CNRIP1: variants seen among roughly 807,000 people sequenced by gnomAD.
CNRIP1 encodes the protein CB1 cannabinoid receptor-interacting protein 1.
In CNRIP1, 10 loss-of-function variants were observed where a neutral mutation model predicts 15.2. The observed-to-expected ratio is 0.66, with a 90% CI of 0.41 to 1.12. CNRIP1 has a LOEUF of 1.12. CNRIP1 is among the 50% of genes most tolerant of loss of function. CNRIP1 has a pLI of 0.00. For missense variants in CNRIP1, 211 were observed against 214.7 expected (o/e 0.98, Z 0.11); for synonymous variants, 91 against 83.2 (o/e 1.09, Z -0.51).
downstream of CNRIP1, among the ~76,000 whole-genome samples, chr2:68,289,330 T>G (rs1445416604): frequency 6.6e-6 from 1 of 152,220 alleles, no homozygotes; most frequent in Non-Finnish European, 1.5e-5. Flanking sequence ...AAATTTTACC[T>G]TTCCAAGCAT....
chr2:68,296,731 G>A (rs556098271), intron 2 of CNRIP1, among the ~76,000 whole-genome samples: 55 of 152,192 alleles, frequency 3.6e-4, no homozygotes, highest in African/African-American at 9.6e-4. Flanking sequence ...TCTGCTGCCC[G>A]GGTTCAAGCA....
At position 68,319,302 on chromosome 2, in the gene CNRIP1, G is replaced by T. The variant is rs373136667; in HGVS notation, c.99C>A (p.Gly33=). 1.4e-4 allele frequency: 223 copies of T among 1,554,074 alleles called. No individual in the cohort carries two copies. Among genetic ancestry groups the T allele is most frequent in the Non-Finnish European group, 1.7e-4 (197 of 1,148,720 alleles). ...TGAGCAGCTTGATGGTGCGGTTCTG[G>T]CCGAAGCGCTGCCCGTCCACCTTGT... ...VFYKVDGQRF[G]QNRTIKLLTG... Residue 33 remains glycine (G), a synonymous_variant, in exon 1 of 3, where the codon GGC becomes GGA. Transcript: ENST00000263655.
chr2:68,305,776 T>C (rs1203374332), intron 2 of CNRIP1, among the ~76,000 whole-genome samples: 1 of 124,342 alleles, frequency 8.0e-6, no homozygotes, highest in Admixed American at 9.0e-5. Context: ...AGCCTGGGCG[T>C]CAGAGAAAGA....
intron 2 of CNRIP1, among the ~76,000 whole-genome samples, chr2:68,295,463 G>A (rs1370617214): frequency 6.6e-6 from 1 of 152,158 alleles, no homozygotes; most frequent in Non-Finnish European, 1.5e-5. Flanking sequence ...TAAGCATACA[G>A]CAGCTTTATT....
chr2:68,290,138 C>T (rs1362150040), downstream of CNRIP1, among the ~76,000 whole-genome samples: 3 of 150,118 alleles, frequency 2.0e-5, no homozygotes, highest in Non-Finnish European at 4.4e-5. Context: ...AAGTGATTCT[C>T]CTTCCTCAGC....
intron 2 of CNRIP1, among the ~76,000 whole-genome samples, chr2:68,303,423 C>A (rs936945420): frequency 4.6e-5 from 7 of 152,070 alleles, no homozygotes; most frequent in Admixed American, 6.5e-5. Flanking sequence ...GGAGACCTCC[C>A]CAACTCCTCT....
chr2:68,293,246 A>G lies in CNRIP1; in HGVS notation c.*616T>C. The stretch of plus-strand genomic sequence containing the variant: ...ATTGCACAATACCTTAAGCTACTTA[A>G]AAGAGTTTTAATACGTTATAAATAC... On this transcript the variant is annotated 3_prime_UTR_variant, in exon 3 of 3. Transcript: ENST00000263655. The G allele has an allele frequency of 3.0e-6, 3 of 985,626 alleles. No homozygotes were observed. The highest frequency in any genetic ancestry group is 4.7e-5 in the South Asian group (1 of 21,302). The allele number at this position is 985,626 out of a possible 1,614,324, so 61.1% of individuals were successfully genotyped here.
intron 2 of CNRIP1, among the ~76,000 whole-genome samples, chr2:68,306,433 T>G (rs1203757495): frequency 6.6e-6 from 1 of 151,982 alleles, no homozygotes; most frequent in Non-Finnish European, 1.5e-5. Flanking sequence ...CAATGAAAAG[T>G]GTATTCCACT....
chr2:68,294,398 G>A (rs1436166214), intron 2 of CNRIP1, among the ~76,000 whole-genome samples: 3 of 152,158 alleles, frequency 2.0e-5, no homozygotes, highest in Non-Finnish European at 4.4e-5. Flanking sequence ...CAGGTGCAGT[G>A]GTTCACCCCT....
At chr2:68,305,056 C>T (rs1321555922) in intron 2 of CNRIP1, among the ~76,000 whole-genome samples, 2 of 151,972 alleles carry the variant, frequency 1.3e-5, no homozygotes, top group Non-Finnish European at 2.9e-5. Context: ...ACCAGCCTGA[C>T]AAACACGGAG....
chr2:68,286,801 T>C (rs1671042120), intron 2 of CNRIP1, among the ~76,000 whole-genome samples: 4 of 152,218 alleles, frequency 2.6e-5, no homozygotes, highest in Non-Finnish European at 5.9e-5. Flanking sequence ...ATTTTCATTC[T>C]GTCTCCTCTG....
At chr2:68,294,511 TC>T (rs886852945) in intron 2 of CNRIP1, among the ~76,000 whole-genome samples, 1 of 151,830 alleles carries the variant, frequency 6.6e-6, no homozygotes, top group Non-Finnish European at 1.5e-5. Context: ...CCCATGTTCA[TC>T]CCCCAAATGG....
chr2:68,312,978 G>A (rs932017592), intron 2 of CNRIP1, among the ~76,000 whole-genome samples: 4 of 152,056 alleles, frequency 2.6e-5, no homozygotes, highest in African/African-American at 9.7e-5. Context: ...TCTTTAAGTT[G>A]ACCTATAGGT....
At chr2:68,315,950 A>T (rs1238394640) in intron 2 of CNRIP1, 1 of 152,244 alleles carries the variant, frequency 6.6e-6, no homozygotes, top group African/African-American at 2.4e-5. Context: ...TTGACATGTT[A>T]ACAACACTTC....
downstream of CNRIP1, among the ~76,000 whole-genome samples, chr2:68,289,481 CT>C (rs977972896): frequency 3.3e-5 from 5 of 151,814 alleles, no homozygotes; most frequent in African/African-American, 7.3e-5. Flanking sequence ...CGCTCCTTTT[CT>C]TTTTTTCTTT....
In CNRIP1 at chr2:68,317,152, C is replaced by G; in HGVS notation, c.330+5G>C. 1 of 1,614,210 alleles carries G rather than the reference C, an allele frequency of 6.2e-7. No homozygotes were observed. The highest frequency in any genetic ancestry group is 8.5e-7 in the Non-Finnish European group (1 of 1,180,042). ...CATACTCCTATACCCGCAAGCAAGC[C>G]TTACCGGCATGGTGATCTGGATGGG... On this transcript the variant is annotated splice_donor_5th_base_variant and intron_variant, in intron 2 of 2. Transcript: ENST00000263655.
At chr2:68,297,456 T>C (rs952678895) in intron 2 of CNRIP1, among the ~76,000 whole-genome samples, 2 of 150,976 alleles carry the variant, frequency 1.3e-5, no homozygotes, top group African/African-American at 2.4e-5. Flanking sequence ...TAGTCCCAGA[T>C]ACTCAGGAGG....
chr2:68,317,140 C>G lies in CNRIP1; in HGVS notation c.330+17G>C. On this transcript the variant is annotated intron_variant, in intron 2 of 2. Coordinates refer to ENST00000263655, the MANE Select transcript of CNRIP1 (RefSeq NM_015463.3). ...TTTCCATGGCACCATACTCCTATAC[C>G]CGCAAGCAAGCCTTACCGGCATGGT... The G allele has an allele frequency of 6.2e-7, 1 of 1,614,168 alleles. No individual in the cohort carries two copies. The highest frequency in any genetic ancestry group is 8.5e-7 in the Non-Finnish European group (1 of 1,180,012).
At chr2:68,311,970 A>G (rs938234413) in intron 2 of CNRIP1, among the ~76,000 whole-genome samples, 1 of 152,116 alleles carries the variant, frequency 6.6e-6, no homozygotes, top group African/African-American at 2.4e-5. Flanking sequence ...GAATAGCCCG[A>G]TATCTATTAA....
Sources: gnomAD v4.1 joint callset for allele counts (sites outside exome capture counted in the v4.1 genomes callset) on GRCh38, gnomAD v4.1.1 for gene constraint, MANE v1.5 for transcripts, NCBI Gene and HGNC (gene_info 2026-07-23, HGNC 2026-07-21) for gene names.